Variants in ARHGAP42 observed in about 807,000 individuals in gnomAD.
ARHGAP42 encodes rho GTPase-activating protein 42.
ARHGAP42 carries 63 observed loss-of-function variants against 125.0 expected under a neutral mutation model. The observed-to-expected ratio is 0.50, with a 90% CI of 0.41 to 0.62. The LOEUF (loss-of-function observed/expected upper bound fraction) is 0.62. Among genes scored for constraint, ARHGAP42 ranks in the 20% least tolerant of loss-of-function variants. The pLI is 0.00. For missense variants in ARHGAP42, 766 were observed against 1,024.2 expected (o/e 0.75, Z 3.44); for synonymous variants, 339 against 351.0 (o/e 0.97, Z 0.38).
intron 1 of ARHGAP42, among the ~76,000 whole-genome samples, chr11:100,737,781 G>A (rs1316170855): frequency 6.6e-6 from 1 of 152,168 alleles, no homozygotes; most frequent in African/African-American, 2.4e-5. Flanking sequence ...GCTTCTTATT[G>A]GCAGTAAATG....
At chr11:100,942,035 G>A (rs1363943891) in intron 9 of ARHGAP42, among the ~76,000 whole-genome samples, 151 bp downstream of exon 9, 3 of 152,148 alleles carry the variant, frequency 2.0e-5, no homozygotes, top group Non-Finnish European at 4.4e-5. Context: ...TTTTTGTGAC[G>A]TGAATGACTT....
chr11:100,859,499 A>T, intron 3 of ARHGAP42, 55 bp from the exon 4 acceptor site: 4 of 1,436,736 alleles, frequency 2.8e-6, no homozygotes, highest in African/African-American at 2.9e-5. Context: ...CATTTTTTCA[A>T]TGTTGTTGGC....
At chr11:100,758,440 T>TA (rs149919285) in intron 1 of ARHGAP42, among the ~76,000 whole-genome samples, 1 of 152,160 alleles carries the variant, frequency 6.6e-6, no homozygotes, top group South Asian at 2.1e-4. Flanking sequence ...AAAATGCACT[T>TA]AAGTAAATGA....
intron 2 of ARHGAP42, among the ~76,000 whole-genome samples, chr11:100,773,485 A>G (rs12278938): frequency 0.013 from 2,018 of 152,298 alleles, 59 homozygotes; most frequent in African/African-American, 0.046. Context: ...TGTTCAGGTT[A>G]CTTCTGGTTG....
chr11:100,795,952 G>C (rs1412667121), intron 3 of ARHGAP42, among the ~76,000 whole-genome samples: 3 of 152,172 alleles, frequency 2.0e-5, no homozygotes, highest in Admixed American at 6.6e-5. Flanking sequence ...TGACCTCACT[G>C]TCCACTTGGG....
rs114106462 is a variant in ARHGAP42 at position 100,729,582 on chromosome 11, A to G, written c.155-40761A>G. Reference sequence around the variant, plus strand: ...ATCTAGACTTGCTAGTTAGTTTATTAATCACTGATAGGCGGCAAACTGTCC... The same window carrying G: ...ATCTAGACTTGCTAGTTAGTTTATTGATCACTGATAGGCGGCAAACTGTCC... On this transcript the variant is annotated intron_variant, in intron 1 of 23. Transcript: ENST00000298815. 8.2e-3 allele frequency among the ~76,000 whole-genome samples: 1,254 copies of G among 152,290 alleles called. 17 individuals are homozygous for G. The highest frequency in any genetic ancestry group is 0.028 in the African/African-American group (1,182 of 41,572).
chr11:100,888,015 T>C (rs972877352), intron 4 of ARHGAP42, among the ~76,000 whole-genome samples: 5 of 152,216 alleles, frequency 3.3e-5, no homozygotes, highest in Non-Finnish European at 5.9e-5. Flanking sequence ...CTAAGAATGC[T>C]CTTTGTTACC....
rs1436825449 is a variant in ARHGAP42 at position 100,724,533 on chromosome 11, T to A, written c.154+36701T>A. On this transcript the variant is annotated intron_variant, in intron 1 of 23. Coordinates refer to ENST00000298815, the MANE Select transcript of ARHGAP42 (RefSeq NM_152432.4). ...TTCAGATTATCTACTTGGGTGAATTTTGAAAGTTTGTATCTTTCAAGGTAT... is the reference window on the plus strand; with the variant it reads ...TTCAGATTATCTACTTGGGTGAATTATGAAAGTTTGTATCTTTCAAGGTAT... 2.6e-5 allele frequency among the ~76,000 whole-genome samples: 4 copies of A among 152,232 alleles called. No individual in the cohort carries two copies. The East Asian group carries it at 7.7e-4, about 29-fold the overall frequency.
chr11:100,765,900 C>T (rs1296936156), intron 1 of ARHGAP42, among the ~76,000 whole-genome samples: 1 of 152,152 alleles, frequency 6.6e-6, no homozygotes, highest in Non-Finnish European at 1.5e-5. Context: ...ATATATATAG[C>T]CCACTTCCAT....
rs929179974 is a variant in ARHGAP42, at chr11:100,795,028, G to A, written c.251-77G>A. 3.2e-4 allele frequency: 353 copies of A among 1,117,650 alleles called. 3 individuals are homozygous for A. Among genetic ancestry groups the A allele is most frequent in the East Asian group, 1.3e-4 (5 of 38,262 alleles). The allele number at this position is 1,117,650 out of a possible 1,614,324, so 69.2% of individuals were successfully genotyped here. On this transcript the variant is annotated intron_variant, in intron 2 of 23. Transcript: ENST00000298815. ...ATACAAATTAATAACCAGCTTTCTT[G>A]TAATGTTTCTTCTTGAGTAATTAGA...
chr11:100,900,793 C>A (rs1866524102), intron 4 of ARHGAP42, among the ~76,000 whole-genome samples: 1 of 152,146 alleles, frequency 6.6e-6, no homozygotes, highest in Non-Finnish European at 1.5e-5. Flanking sequence ...ACTGTTTATT[C>A]TAGTTAGCCA....
At chr11:100,708,651 C>T (rs1163234836) in intron 1 of ARHGAP42, among the ~76,000 whole-genome samples, 1 of 152,080 alleles carries the variant, frequency 6.6e-6, no homozygotes, top group Non-Finnish European at 1.5e-5. Context: ...AGAAATGTTT[C>T]TCTGGCTTTC....
chr11:100,897,770 G>C (rs180814817), intron 4 of ARHGAP42, among the ~76,000 whole-genome samples: 2 of 152,110 alleles, frequency 1.3e-5, no homozygotes, highest in African/African-American at 4.8e-5. Flanking sequence ...TAAGTATACA[G>C]TCATGTCATC....
At chr11:100,712,535 C>G (rs547118376) in intron 1 of ARHGAP42, among the ~76,000 whole-genome samples, 1 of 152,226 alleles carries the variant, frequency 6.6e-6, no homozygotes, top group South Asian at 2.1e-4. Context: ...CCTTCTCCCC[C>G]CAGAAGTGGG....
chr11:100,753,604 A>T (rs555010486), intron 1 of ARHGAP42, among the ~76,000 whole-genome samples: 12 of 152,214 alleles, frequency 7.9e-5, no homozygotes, highest in Non-Finnish European at 1.6e-4. Flanking sequence ...TGCCTGAGTT[A>T]GTTGGCAGAT....
At chr11:100,729,489 G>C (rs1024846316) in intron 1 of ARHGAP42, among the ~76,000 whole-genome samples, 4 of 152,050 alleles carry the variant, frequency 2.6e-5, no homozygotes, top group African/African-American at 7.2e-5. Flanking sequence ...TATGTAGTTA[G>C]ACTTGAGATT....
intron 1 of ARHGAP42, 132 bp downstream of exon 1, chr11:100,687,964 C>A: frequency 9.5e-7 from 1 of 1,048,302 alleles, no homozygotes; most frequent in Non-Finnish European, 1.3e-6. Context: ...CTGAAGAGCT[C>A]CCCTGCTGGT....
chr11:100,829,428 A>C (rs952018629), intron 3 of ARHGAP42, among the ~76,000 whole-genome samples: 1 of 152,076 alleles, frequency 6.6e-6, no homozygotes, highest in African/African-American at 2.4e-5. Flanking sequence ...TCACAGGACC[A>C]GTCATAGTTA....
chr11:100,812,063 A>G (rs899085934), intron 3 of ARHGAP42, among the ~76,000 whole-genome samples: 3 of 152,124 alleles, frequency 2.0e-5, no homozygotes, highest in African/African-American at 4.8e-5. Context: ...GGCCTCCCAA[A>G]GTGCTAGGAT....
Sources: allele counts gnomAD v4.1 joint callset (sites outside exome capture counted in the v4.1 genomes callset), GRCh38; gene constraint gnomAD v4.1.1; transcripts MANE v1.5; gene names NCBI Gene and HGNC (gene_info 2026-07-23, HGNC 2026-07-21).